KCNN2: variants seen among roughly 807,000 people sequenced by gnomAD.
KCNN2 encodes the protein small conductance calcium-activated potassium channel protein 2.
KCNN2 carries 24 observed loss-of-function variants against 55.5 expected under a neutral mutation model. The ratio of observed to expected loss-of-function variants is 0.43; its 90% CI spans 0.31 to 0.61. The LOEUF (loss-of-function observed/expected upper bound fraction) is 0.61. Among genes scored for constraint, KCNN2 ranks in the 20% least tolerant of loss-of-function variants. KCNN2 has a pLI of 0.08. For synonymous variants in KCNN2, 431 were observed against 336.1 expected, an observed-to-expected ratio of 1.28 and a Z score of -3.09; for missense variants, 754 against 853.6, an observed-to-expected ratio of 0.88 and a Z score of 1.45.
At chr5:114,272,233 A>G (rs1755352344) in intron 2 of KCNN2, among the ~76,000 whole-genome samples, 2 of 152,084 alleles carry the variant, frequency 1.3e-5, no homozygotes, top group Non-Finnish European at 2.9e-5. Context: ...ATGTGTGTAT[A>G]TATGTGTGTA....
chr5:114,416,232 C>T (rs890388673), intron 3 of KCNN2, among the ~76,000 whole-genome samples: 2 of 152,014 alleles, frequency 1.3e-5, no homozygotes, highest in East Asian at 1.9e-4. Flanking sequence ...CCTGACTTGC[C>T]TCCAATGGGA....
At chr5:114,160,772 C>G (rs1214179902) in intron 1 of KCNN2, among the ~76,000 whole-genome samples, 3 of 151,994 alleles carry the variant, frequency 2.0e-5, no homozygotes, top group Non-Finnish European at 2.9e-5. Context: ...CCTTCTTTGT[C>G]TCTTTTGATC....
intron 1 of KCNN2, among the ~76,000 whole-genome samples, chr5:114,056,881 C>A (rs1382132814): frequency 1.3e-5 from 2 of 152,012 alleles, no homozygotes; most frequent in Non-Finnish European, 2.9e-5. Flanking sequence ...AAAATATGAA[C>A]CAAATGAAGG....
chr5:114,350,504 C>T (rs565903000), intron 2 of KCNN2, among the ~76,000 whole-genome samples: 1 of 151,974 alleles, frequency 6.6e-6, no homozygotes, highest in African/African-American at 2.4e-5. Flanking sequence ...GTAGCTTATG[C>T]TTTTAGTATT....
chr5:114,104,782 C>T (rs1052655981), intron 1 of KCNN2, among the ~76,000 whole-genome samples: 3 of 151,960 alleles, frequency 2.0e-5, no homozygotes, highest in African/African-American at 7.2e-5. Context: ...AGTTATATCT[C>T]TGCTGAGGTC....
At chr5:114,321,085 T>C (rs940184213) in intron 2 of KCNN2, among the ~76,000 whole-genome samples, 1 of 152,172 alleles carries the variant, frequency 6.6e-6, no homozygotes, top group Non-Finnish European at 1.5e-5. Context: ...TCTACAATTG[T>C]TTCCCACGTC....
In KCNN2 at chr5:114,363,086, G is replaced by T; in HGVS notation, c.947G>T (p.Ser316Ile). The T allele has an allele frequency of 1.9e-6, 3 of 1,611,634 alleles. No homozygotes were observed. Among genetic ancestry groups the T allele is most frequent in the African/African-American group, 1.3e-5 (1 of 75,042 alleles). ...GGGGGSGHGS[S>I]SGTKSSKKKN... is the part of the protein sequence containing the mutation. The stretch of plus-strand genomic sequence containing the variant: ...GGTGGCGGGAGCGGGCACGGCAGCA[G>T]CAGTGGCACCAAGTCCAGCAAAAAG... The change falls in exon 1 of 8, where the codon AGC becomes ATC. Residue 316 changes from serine (S) to isoleucine (I), a missense_variant. Ser to Ile is a moderately radical substitution (Grantham distance 142). Around this residue, in one of 4 missense-constraint regions of KCNN2, gnomAD observed 381 missense variants for 259.1 expected, o/e 1.47. Transcript: ENST00000673685.
chr5:114,141,255 T>C (rs551599795), intron 1 of KCNN2, among the ~76,000 whole-genome samples: 1 of 152,274 alleles, frequency 6.6e-6, no homozygotes, highest in East Asian at 1.9e-4. Context: ...ACATTAGGTA[T>C]ATCTCCTAAT....
chr5:114,326,540 AGT>A (rs1440150665), intron 2 of KCNN2, among the ~76,000 whole-genome samples: 1 of 152,156 alleles, frequency 6.6e-6, no homozygotes, highest in Non-Finnish European at 1.5e-5. Context: ...TTCAAAGGTG[AGT>A]GCCTCTAGAA....
chr5:114,076,496 A>G (rs187798266), intron 1 of KCNN2, among the ~76,000 whole-genome samples: 3 of 152,324 alleles, frequency 2.0e-5, no homozygotes, highest in East Asian at 3.9e-4. Context: ...TTCATTTTAT[A>G]AAAGGATCCT....
intron 1 of KCNN2, among the ~76,000 whole-genome samples, chr5:114,181,089 C>A (rs1172553360): frequency 1.3e-5 from 2 of 152,140 alleles, no homozygotes; most frequent in African/African-American, 4.8e-5. Flanking sequence ...GTTATGAATA[C>A]TCTCATGCAA....
chr5:114,435,508 A>G (rs1057378498), intron 3 of KCNN2, among the ~76,000 whole-genome samples: 1 of 152,144 alleles, frequency 6.6e-6, no homozygotes, highest in Non-Finnish European at 1.5e-5. Flanking sequence ...GTATTCTATC[A>G]GGTGGATTGT....
intron 1 of KCNN2, among the ~76,000 whole-genome samples, chr5:114,177,492 T>C (rs1753159826): frequency 2.0e-5 from 3 of 151,822 alleles, no homozygotes; most frequent in Admixed American, 6.6e-5. Flanking sequence ...ATGTATTCTA[T>C]ATATCCATAT....
At chr5:114,315,925 T>G (rs886502462) in intron 2 of KCNN2, among the ~76,000 whole-genome samples, 2 of 152,038 alleles carry the variant, frequency 1.3e-5, no homozygotes, top group East Asian at 3.9e-4. Context: ...GTAGGGAAGC[T>G]GTTAGGAATC....
intron 3 of KCNN2, among the ~76,000 whole-genome samples, chr5:114,440,883 C>G (rs1012308361): frequency 6.6e-6 from 1 of 150,868 alleles, no homozygotes; most frequent in Non-Finnish European, 1.5e-5. Flanking sequence ...CTAAAACCCA[C>G]AGATGTTAGT....
intron 2 of KCNN2, among the ~76,000 whole-genome samples, chr5:114,281,684 G>T (rs1755627580): frequency 1.0e-5 from 1 of 98,686 alleles, no homozygotes; most frequent in Admixed American, 9.9e-5. Context: ...ATCCTAGTCA[G>T]ATTTTGCAGC....
intron 1 of KCNN2, among the ~76,000 whole-genome samples, chr5:114,064,086 T>A (rs1462670154): frequency 6.6e-6 from 1 of 152,142 alleles, no homozygotes; most frequent in Non-Finnish European, 1.5e-5. Context: ...CTCCCAGAGA[T>A]TGTGAATTAA....
chr5:114,187,826 T>C (rs4705491), intron 1 of KCNN2, among the ~76,000 whole-genome samples: 76,841 of 148,330 alleles, frequency 0.52, 21,406 homozygotes, highest in Non-Finnish European at 0.62. Flanking sequence ...TCTTTTTTTT[T>C]TTTTTTGAGA....
chr5:114,482,537 A>G (rs1762271593), intron 5 of KCNN2, among the ~76,000 whole-genome samples: 1 of 152,218 alleles, frequency 6.6e-6, no homozygotes, highest in African/African-American at 2.4e-5. Flanking sequence ...TACATACCCA[A>G]AGGAATATAA....
Sources: gnomAD v4.1 joint callset for allele counts (sites outside exome capture counted in the v4.1 genomes callset) on GRCh38, gnomAD v4.1.1 for gene constraint, gnomAD v4.1.1 regional missense constraint, MANE v1.5 for transcripts, NCBI Gene and HGNC (gene_info 2026-07-23, HGNC 2026-07-21) for gene names.